The following PRKCE variants were observed in gnomAD, a reference collection of about 807,000 sequenced individuals.
PRKCE encodes the protein protein kinase C epsilon type.
Under a neutral mutation model 85.4 loss-of-function variants are expected in PRKCE, and 16 were observed. The observed-to-expected ratio is 0.19, with a 90% CI of 0.13 to 0.28. The LOEUF is 0.28. Among genes scored for constraint, PRKCE ranks in the 10% least tolerant of loss-of-function variants. The probability of loss-of-function intolerance (pLI) is 1.00; values close to 1 mark genes in which losing one functional copy is unlikely to be tolerated. For missense variants in PRKCE, 573 were observed against 975.2 expected (o/e 0.59, Z 5.49); for synonymous variants, 388 against 371.5 (o/e 1.04, Z -0.51).
At chr2:45,730,428 G>C (rs898643550) in intron 1 of PRKCE, among the ~76,000 whole-genome samples, 17 of 151,268 alleles carry the variant, frequency 1.1e-4, no homozygotes, top group Non-Finnish European at 2.2e-4. Context: ...AAAGCTCTGG[G>C]ATTACAACTG....
At chr2:46,129,935 G>A (rs1318199127) in intron 11 of PRKCE, among the ~76,000 whole-genome samples, 2 of 152,186 alleles carry the variant, frequency 1.3e-5, no homozygotes, top group African/African-American at 4.8e-5. Flanking sequence ...TATGGTTGTG[G>A]GTGTATATCT....
chr2:45,652,700 G>C lies in PRKCE; in HGVS notation c.348+252G>C, dbSNP rs796173958. 6.6e-6 allele frequency among the ~76,000 whole-genome samples: 1 copy of C among 152,198 alleles called. No homozygotes were observed. Among genetic ancestry groups the C allele is most frequent in the Non-Finnish European group, 1.5e-5 (1 of 68,030 alleles). ...GTGCCCTCCAGTTGGTGGGTGCTGC[G>C]GGAGGTTTGCAAACTGGGAGAGCCT... On this transcript the variant is annotated intron_variant, in intron 1 of 14. Coordinates refer to ENST00000306156, the MANE Select transcript of PRKCE (RefSeq NM_005400.3). This position sits in a 1 kb window ranked among gnomAD's most constrained non-coding sequence, Gnocchi z 7.7.
At chr2:45,689,411 C>T (rs1187849046) in intron 1 of PRKCE, among the ~76,000 whole-genome samples, 3 of 152,136 alleles carry the variant, frequency 2.0e-5, no homozygotes, top group Admixed American at 1.3e-4. Context: ...CAATCCCATT[C>T]TCTATACCTT....
chr2:45,777,577 T>A (rs992331713), intron 1 of PRKCE, among the ~76,000 whole-genome samples: 2 of 152,182 alleles, frequency 1.3e-5, no homozygotes, highest in African/African-American at 4.8e-5. Context: ...GACATACGTC[T>A]AGCACCCTGC....
chr2:45,834,462 G>A (rs888962241), intron 1 of PRKCE, among the ~76,000 whole-genome samples: 8 of 152,124 alleles, frequency 5.3e-5, no homozygotes, highest in African/African-American at 1.9e-4. Context: ...AAAGAATAAG[G>A]CCTCCTTTCC....
At chr2:45,870,368 T>C (rs184633654) in intron 2 of PRKCE, among the ~76,000 whole-genome samples, 51 of 152,304 alleles carry the variant, frequency 3.3e-4, no homozygotes, top group African/African-American at 1.1e-3. Context: ...AGCAGCACGC[T>C]CCAGTGTTTG....
At chr2:46,079,592 A>C (rs951959267) in intron 10 of PRKCE, among the ~76,000 whole-genome samples, 1 of 152,264 alleles carries the variant, frequency 6.6e-6, no homozygotes, top group Admixed American at 6.5e-5. Context: ...GAAACTGCTC[A>C]TGCTGTCACC....
In PRKCE at chr2:45,691,421, C is replaced by A. The variant is rs565696868; in HGVS notation, c.348+38973C>A. 2.6e-5 allele frequency among the ~76,000 whole-genome samples: 4 copies of A among 152,264 alleles called. No homozygotes were observed. In the South Asian group the frequency reaches 8.3e-4, roughly 32 times the overall value. On this transcript the variant is annotated intron_variant, in intron 1 of 14. Coordinates refer to ENST00000306156, the MANE Select transcript of PRKCE (RefSeq NM_005400.3). ...AGTGACGCAGGCTCAGGGAGTGTTT[C>A]CCCTCTGTCCATCAAAGGTTTTTCT...
chr2:45,742,234 A>G (rs781621122), intron 1 of PRKCE, among the ~76,000 whole-genome samples: 3 of 152,186 alleles, frequency 2.0e-5, no homozygotes, highest in Non-Finnish European at 4.4e-5. Flanking sequence ...CAAAATATAT[A>G]AGGAACTTAC....
At chr2:45,865,800 TTTC>T (rs371476589) in intron 2 of PRKCE, among the ~76,000 whole-genome samples, 8 of 126,028 alleles carry the variant, frequency 6.3e-5, no homozygotes, top group African/African-American at 8.5e-5. Context: ...AGAAAATAAG[TTTC>T]TTCTTCTTCT....
Position 45,729,970 on chromosome 2 carries a change from G to T in PRKCE, c.348+77522G>T, listed in dbSNP as rs138805807. On this transcript the variant is annotated intron_variant, in intron 1 of 14. Coordinates refer to ENST00000306156, the MANE Select transcript of PRKCE (RefSeq NM_005400.3). ...CCTGGGCATTTTGCATTTTTTAAGG[G>T]TATAGAGTCATACTTTTATAGTTCA... Among the ~76,000 whole-genome samples the T allele has an allele frequency of 4.9e-3, 750 of 152,272 alleles. 30 individuals are homozygous for T. The highest frequency in any genetic ancestry group is 0.043 in the Admixed American group (665 of 15,296).
intron 11 of PRKCE, among the ~76,000 whole-genome samples, chr2:46,110,410 T>G (rs1672140333): frequency 1.3e-5 from 2 of 152,184 alleles, no homozygotes; most frequent in Non-Finnish European, 2.9e-5. Context: ...TCTCCTTGTG[T>G]GAATCTTGAT....
chr2:46,057,742 G>C (rs111631984), intron 10 of PRKCE, among the ~76,000 whole-genome samples: 1 of 151,928 alleles, frequency 6.6e-6, no homozygotes, highest in African/African-American at 2.4e-5. Flanking sequence ...ATTTTTGTTT[G>C]TTTATTTTAA....
intron 6 of PRKCE, among the ~76,000 whole-genome samples, chr2:45,990,072 A>G (rs921762583): frequency 6.6e-6 from 1 of 152,208 alleles, no homozygotes; most frequent in Non-Finnish European, 1.5e-5. Flanking sequence ...AAAACAACCA[A>G]TACTTATTTT....
At chr2:45,919,164 T>C (rs746865488) in intron 2 of PRKCE, among the ~76,000 whole-genome samples, 1 of 151,882 alleles carries the variant, frequency 6.6e-6, no homozygotes, top group African/African-American at 2.4e-5. Context: ...TGAGTAGGGG[T>C]TGTGGGGTAG....
chr2:46,002,511 A>C (rs372005329), intron 7 of PRKCE, among the ~76,000 whole-genome samples: 2 of 152,182 alleles, frequency 1.3e-5, no homozygotes, highest in Non-Finnish European at 2.9e-5. Context: ...TGGCTCTTCC[A>C]TGTTGCTTCT....
chr2:46,152,328 C>A (rs533097579), intron 13 of PRKCE, among the ~76,000 whole-genome samples: 1 of 151,602 alleles, frequency 6.6e-6, no homozygotes. Flanking sequence ...ATTACAGGCA[C>A]CCGCCATCAT....
At chr2:46,166,783 G>C (rs571536079) in intron 14 of PRKCE, 2 of 152,328 alleles carry the variant, frequency 1.3e-5, no homozygotes, top group African/African-American at 4.8e-5. Flanking sequence ...TTGCACTCAG[G>C]AGTTCGAGAC....
intron 2 of PRKCE, among the ~76,000 whole-genome samples, chr2:45,880,389 A>C (rs1694792646): frequency 6.6e-6 from 1 of 152,196 alleles, no homozygotes; most frequent in South Asian, 2.1e-4. Flanking sequence ...ATAAATGCCC[A>C]TTAGTAGCAT....
Sources: gnomAD v4.1 joint callset for allele counts (sites outside exome capture counted in the v4.1 genomes callset) on GRCh38, gnomAD v4.1.1 for gene constraint, Gnocchi (gnomAD v3.1) non-coding constraint, MANE v1.5 for transcripts, NCBI Gene and HGNC (gene_info 2026-07-23, HGNC 2026-07-21) for gene names.